PTPRN2: variants seen among roughly 807,000 people sequenced by gnomAD.
The protein encoded by PTPRN2 is receptor-type tyrosine-protein phosphatase N2.
In PTPRN2, 74 loss-of-function variants were observed where a neutral mutation model predicts 118.8. The ratio of observed to expected loss-of-function variants is 0.62; its 90% confidence interval spans 0.52 to 0.76. PTPRN2 has a LOEUF of 0.76. Ranked by LOEUF, PTPRN2 falls within the 30% of genes least tolerant of loss-of-function variation. The pLI, the probability that PTPRN2 is intolerant of heterozygous loss-of-function variation, is 0.00. For synonymous variants in PTPRN2, 641 were observed against 608.0 expected, an observed-to-expected ratio of 1.05 and a Z score of -0.80; for missense variants, 1,481 against 1,394.4, an observed-to-expected ratio of 1.06 and a Z score of -0.99.
chr7:157,563,971 A>G (rs1229580973), intron 21 of PTPRN2, among the ~76,000 whole-genome samples: 2 of 152,246 alleles, frequency 1.3e-5, no homozygotes, highest in Non-Finnish European at 2.9e-5. Context: ...TCTCTGCTCC[A>G]TGGCCCCTCT....
In PTPRN2 at chr7:157,813,219, C is replaced by T. The variant is rs1257208930; in HGVS notation, c.1788+85454G>A. 2.0e-5 allele frequency among the ~76,000 whole-genome samples: 3 copies of T among 152,266 alleles called. No individual in the cohort carries two copies. Among genetic ancestry groups the T allele is most frequent in the East Asian group, 3.9e-4 (2 of 5,180 alleles). On this transcript the variant is annotated intron_variant, in intron 12 of 22. Transcript: ENST00000389418. The surrounding 1 kb of genome is among the most constrained non-coding windows in gnomAD (Gnocchi z 4.7). ...AGGCAGTGACAGGGCCAGGGCAAGCCGGTTGGAGAAGTGGAACTTCAGTGG... is the reference window on the plus strand; with the variant it reads ...AGGCAGTGACAGGGCCAGGGCAAGCTGGTTGGAGAAGTGGAACTTCAGTGG...
chr7:158,283,162 T>C (rs956268891), intron 3 of PTPRN2, among the ~76,000 whole-genome samples: 1 of 152,222 alleles, frequency 6.6e-6, no homozygotes, highest in African/African-American at 2.4e-5. Context: ...AAAAAAACAC[T>C]TCTTGTTACG....
At chr7:158,295,948 G>T (rs1331858786) in intron 3 of PTPRN2, among the ~76,000 whole-genome samples, 1 of 152,362 alleles carries the variant, frequency 6.6e-6, no homozygotes, top group Non-Finnish European at 1.5e-5. Context: ...CAGGCACCTT[G>T]TCTGAGATGG....
chr7:158,129,205 CAG>C (rs762248980), intron 9 of PTPRN2, among the ~76,000 whole-genome samples: 1 of 147,980 alleles, frequency 6.8e-6, no homozygotes, highest in Non-Finnish European at 1.5e-5. Context: ...ACACCACAAA[CAG>C]ATAAGCCACA....
chr7:158,356,844 G>A (rs909072941), intron 2 of PTPRN2, among the ~76,000 whole-genome samples: 28 of 152,138 alleles, frequency 1.8e-4, no homozygotes, highest in Non-Finnish European at 4.4e-5. Context: ...TTTCTATGGG[G>A]AAATCAGGAG....
At chr7:158,389,064 G>A (rs1811724436) in intron 2 of PTPRN2, among the ~76,000 whole-genome samples, 1 of 152,340 alleles carries the variant, frequency 6.6e-6, no homozygotes, top group African/African-American at 2.4e-5. Flanking sequence ...GAAGGAGAAG[G>A]GCTCCAGATG....
chr7:157,600,489 C>T (rs894790567), intron 16 of PTPRN2, among the ~76,000 whole-genome samples: 47 of 152,230 alleles, frequency 3.1e-4, no homozygotes, highest in African/African-American at 1.1e-3. Flanking sequence ...GGCATGATCT[C>T]GGCTCACTGC....
At chr7:157,882,820 C>G (rs569063369) in intron 12 of PTPRN2, among the ~76,000 whole-genome samples, 1 of 129,186 alleles carries the variant, frequency 7.7e-6, no homozygotes, top group Non-Finnish European at 1.7e-5. Flanking sequence ...CACCACCCCC[C>G]AAAATGACTG....
At chr7:158,054,433 A>G (rs867386903) in intron 11 of PTPRN2, among the ~76,000 whole-genome samples, 2 of 152,238 alleles carry the variant, frequency 1.3e-5, no homozygotes, top group Admixed American at 6.5e-5. Flanking sequence ...ACAGAGCAAG[A>G]GAGGAAGACA....
At chr7:157,692,160 G>T (rs1797534052) in intron 12 of PTPRN2, among the ~76,000 whole-genome samples, 1 of 151,480 alleles carries the variant, frequency 6.6e-6, no homozygotes, top group Non-Finnish European at 1.5e-5. Context: ...CTCTCCCACC[G>T]CCTGGCCATT....
intron 4 of PTPRN2, among the ~76,000 whole-genome samples, chr7:158,197,424 T>G (rs1826291343): frequency 6.6e-6 from 1 of 152,196 alleles, no homozygotes; most frequent in Non-Finnish European, 1.5e-5. Flanking sequence ...ACTGTTTCCA[T>G]GTAGGATGTT....
At chr7:158,144,077 G>A (rs1819650269) in intron 6 of PTPRN2, among the ~76,000 whole-genome samples, 1 of 152,192 alleles carries the variant, frequency 6.6e-6, no homozygotes, top group Admixed American at 6.5e-5. Context: ...CTTCTGCAAG[G>A]CCCTGTGTTT....
chr7:158,000,317 A>G (rs1476172236), intron 11 of PTPRN2, among the ~76,000 whole-genome samples: 1 of 152,140 alleles, frequency 6.6e-6, no homozygotes, highest in African/African-American at 2.4e-5. Context: ...TAAAGTGATC[A>G]CTTCAAAAAC....
At chr7:158,041,026 C>T (rs554594357) in intron 11 of PTPRN2, among the ~76,000 whole-genome samples, 177 of 152,320 alleles carry the variant, frequency 1.2e-3, no homozygotes, top group African/African-American at 3.8e-3. Context: ...CCGCCACGCC[C>T]GGTCCACCTG....
At chr7:158,258,260 C>A (rs73176136) in intron 3 of PTPRN2, among the ~76,000 whole-genome samples, 1 of 152,052 alleles carries the variant, frequency 6.6e-6, no homozygotes, top group Non-Finnish European at 1.5e-5. Flanking sequence ...GAACACAGGC[C>A]GTCCTGAATC....
At chr7:158,559,742 TG>T (rs948953597) in intron 1 of PTPRN2, among the ~76,000 whole-genome samples, 2 of 152,160 alleles carry the variant, frequency 1.3e-5, no homozygotes, top group African/African-American at 4.8e-5. Context: ...CCCTCATGAC[TG>T]GGGTCCTTGG....
intron 12 of PTPRN2, among the ~76,000 whole-genome samples, chr7:157,754,289 C>A (rs574760433): frequency 6.6e-6 from 1 of 152,342 alleles, no homozygotes; most frequent in East Asian, 1.9e-4. Flanking sequence ...GCCGTCAGGA[C>A]ACTGAGCCAC....
intron 1 of PTPRN2, among the ~76,000 whole-genome samples, chr7:158,548,578 CT>C (rs1338211758): frequency 6.6e-6 from 1 of 152,232 alleles, no homozygotes; most frequent in Non-Finnish European, 1.5e-5. Flanking sequence ...TTCTTCATGA[CT>C]TTCTCTTTCT....
At chr7:158,301,014 AC>A (rs1563105280) in intron 3 of PTPRN2, among the ~76,000 whole-genome samples, 1 of 152,188 alleles carries the variant, frequency 6.6e-6, no homozygotes, top group South Asian at 2.1e-4. Context: ...TGCATTTGAA[AC>A]CAGCAACGCA....
Sources: gnomAD v4.1 joint callset for allele counts (sites outside exome capture counted in the v4.1 genomes callset) on GRCh38, gnomAD v4.1.1 for gene constraint, Gnocchi (gnomAD v3.1) non-coding constraint, MANE v1.5 for transcripts, NCBI Gene and HGNC (gene_info 2026-07-23, HGNC 2026-07-21) for gene names.